The following GRIP1 variants were observed in gnomAD, a reference collection of about 807,000 sequenced individuals.
GRIP1 encodes the protein glutamate receptor-interacting protein 1.
A neutral mutation model predicts 129.9 loss-of-function variants in GRIP1; 45 were observed. That is an observed-to-expected ratio of 0.35 (90% CI 0.27 to 0.44). The LOEUF is 0.44. GRIP1 is among the 20% of genes least tolerant of loss of function. The pLI is 1.00. For missense variants in GRIP1, 1,196 were observed against 1,396.8 expected, an observed-to-expected ratio of 0.86 and a Z score of 2.29; for synonymous variants, 530 against 520.8, an observed-to-expected ratio of 1.02 and a Z score of -0.24.
chr12:66,767,752 C>A (rs1247175551), intron 1 of GRIP1, among the ~76,000 whole-genome samples: 1 of 152,160 alleles, frequency 6.6e-6, no homozygotes, highest in African/African-American at 2.4e-5. Flanking sequence ...TAGGACCCTG[C>A]CACGATGCTG....
chr12:66,973,894 A>G (rs1252360140), intron 1 of GRIP1, among the ~76,000 whole-genome samples: 1 of 149,670 alleles, frequency 6.7e-6, no homozygotes, highest in Non-Finnish European at 1.5e-5. Context: ...TAGAATACAC[A>G]GTTAGAAGGC....
At chr12:66,858,589 G>A (rs1442551304) in intron 1 of GRIP1, among the ~76,000 whole-genome samples, 2 of 151,844 alleles carry the variant, frequency 1.3e-5, no homozygotes, top group Non-Finnish European at 2.9e-5. Context: ...AGAAAGATAA[G>A]GGTAAAACTT....
rs533437576 is a variant in GRIP1 at position 66,949,891 on chromosome 12, C to G, written c.58+119159G>C. On this transcript the variant is annotated intron_variant, in intron 1 of 1. Coordinates refer to the GRIP1 transcript ENST00000643019. ...CATGTCATTCTCCTGCCTCAGCCCC[C>G]CCGAGTAGCTGGGACTACAGGTGCC... is the stretch of plus-strand genomic sequence containing the variant. 4.4e-3 allele frequency among the ~76,000 whole-genome samples: 672 copies of G among 151,956 alleles called. 6 individuals are homozygous for G. The highest frequency in any genetic ancestry group is 3.6e-3 in the Non-Finnish European group (242 of 67,960).
chr12:66,716,199 T>G (rs1054610048), intron 1 of GRIP1, among the ~76,000 whole-genome samples: 5 of 152,138 alleles, frequency 3.3e-5, no homozygotes, highest in African/African-American at 1.2e-4. Context: ...TTTATTATTT[T>G]TATTCCCAAC....
rs758682775 is a variant in GRIP1 at position 66,465,451 on chromosome 12, A to C, written c.725-29T>G. 7.1e-6 allele frequency: 11 copies of C among 1,548,896 alleles called. No homozygotes were observed. In the Admixed American group the frequency reaches 1.0e-4, roughly 14 times the overall value. ...TCAAAGAACAAATTTTAGAAAACAA[A>C]ACAAATAAAACAAATAAGCAAAGAG... On this transcript the variant is annotated intron_variant, in intron 7 of 24. Transcript: ENST00000359742.
At chr12:66,763,117 T>C (rs923659779) in intron 1 of GRIP1, among the ~76,000 whole-genome samples, 1 of 152,186 alleles carries the variant, frequency 6.6e-6, no homozygotes, top group African/African-American at 2.4e-5. Flanking sequence ...AAAAAATTTA[T>C]AATTTAAAAT....
At chr12:66,658,230 G>A (rs1239723602) in intron 1 of GRIP1, among the ~76,000 whole-genome samples, 1 of 152,132 alleles carries the variant, frequency 6.6e-6, no homozygotes, top group African/African-American at 2.4e-5. Flanking sequence ...CAAGATTTTT[G>A]CTACTATTAA....
At chr12:66,440,460 C>T (rs2058441122) in intron 13 of GRIP1, among the ~76,000 whole-genome samples, 1 of 152,300 alleles carries the variant, frequency 6.6e-6, no homozygotes, top group African/African-American at 2.4e-5. Flanking sequence ...TCCCCACTAT[C>T]ATCACTACTC....
At chr12:66,763,523 T>C (rs547926868) in intron 1 of GRIP1, among the ~76,000 whole-genome samples, 1 of 152,318 alleles carries the variant, frequency 6.6e-6, no homozygotes, top group East Asian at 1.9e-4. Flanking sequence ...GAAAACTAGA[T>C]GCTTGCCAGT....
rs545232536 is a variant in GRIP1 at position 66,911,322 on chromosome 12, G to A, written c.58+157728C>T. Among the ~76,000 whole-genome samples, 120 of 152,204 alleles carry A rather than the reference G, an allele frequency of 7.9e-4. 1 individual carries two copies. Among genetic ancestry groups the A allele is most frequent in the Admixed American group, 2.4e-3 (36 of 15,290 alleles). On this transcript the variant is annotated intron_variant, in intron 1 of 1. Transcript: ENST00000643019. ...CTCTTAGAAAAAAATTTTTAAAGGCGGAAATCTATGTTCTGAAGGCTTCAA... is the reference window on the plus strand; with the variant it reads ...CTCTTAGAAAAAAATTTTTAAAGGCAGAAATCTATGTTCTGAAGGCTTCAA...
At chr12:66,938,837 G>T (rs935185007) in intron 1 of GRIP1, among the ~76,000 whole-genome samples, 1 of 152,048 alleles carries the variant, frequency 6.6e-6, no homozygotes, top group African/African-American at 2.4e-5. Context: ...CATGCCTGTA[G>T]TCCCAGCTAC....
At chr12:66,885,610 T>C (rs2040552939) in intron 1 of GRIP1, among the ~76,000 whole-genome samples, 1 of 151,988 alleles carries the variant, frequency 6.6e-6, no homozygotes, top group South Asian at 2.1e-4. Context: ...AAGTAGCAGA[T>C]GGGGTGAGGG....
chr12:66,914,113 C>T (rs1164867478), intron 1 of GRIP1, among the ~76,000 whole-genome samples: 2 of 152,158 alleles, frequency 1.3e-5, no homozygotes, highest in African/African-American at 4.8e-5. Flanking sequence ...AATAAGGAGA[C>T]ATTTTCTTTA....
At chr12:66,795,827 G>C (rs1369628665) in intron 1 of GRIP1, among the ~76,000 whole-genome samples, 4 of 152,044 alleles carry the variant, frequency 2.6e-5, no homozygotes, top group African/African-American at 4.8e-5. Flanking sequence ...ACATACAAAA[G>C]CCATTAAGAA....
At chr12:66,909,128 A>G (rs1402324184) in intron 1 of GRIP1, among the ~76,000 whole-genome samples, 2 of 151,636 alleles carry the variant, frequency 1.3e-5, no homozygotes, top group African/African-American at 4.8e-5. Flanking sequence ...TTTTTGAAAA[A>G]TCTCCTTCCT....
intron 1 of GRIP1, among the ~76,000 whole-genome samples, chr12:66,777,949 T>C (rs1360802118): frequency 6.6e-6 from 1 of 152,160 alleles, no homozygotes; most frequent in East Asian, 1.9e-4. Flanking sequence ...TAGTAGCCAC[T>C]AGCCACTCAT....
intron 1 of GRIP1, among the ~76,000 whole-genome samples, chr12:67,013,186 A>G (rs2042734609): frequency 6.6e-6 from 1 of 152,190 alleles, no homozygotes; most frequent in South Asian, 2.1e-4. Context: ...CAAAGACACA[A>G]TAGACTTGCC....
intron 1 of GRIP1, among the ~76,000 whole-genome samples, chr12:66,687,486 G>A (rs981047803): frequency 3.3e-5 from 5 of 151,866 alleles, no homozygotes; most frequent in Non-Finnish European, 7.4e-5. Flanking sequence ...AAAAGTGACT[G>A]AGCACACCCC....
intron 19 of GRIP1, among the ~76,000 whole-genome samples, chr12:66,385,571 T>C (rs567310993): frequency 3.3e-5 from 5 of 152,044 alleles, no homozygotes; most frequent in African/African-American, 7.2e-5. Context: ...ATAAAATGTA[T>C]GGTCCTAAGT....
Sources: allele counts gnomAD v4.1 joint callset (sites outside exome capture counted in the v4.1 genomes callset), GRCh38; gene constraint gnomAD v4.1.1; transcripts MANE v1.5; gene names NCBI Gene and HGNC (gene_info 2026-07-23, HGNC 2026-07-21).